SGCZ: variants seen among roughly 807,000 people sequenced by gnomAD.
SGCZ encodes the protein zeta-sarcoglycan.
A neutral mutation model predicts 41.3 loss-of-function variants in SGCZ; 40 were observed. The ratio of observed to expected loss-of-function variants is 0.97; its 90% CI spans 0.75 to 1.26. The LOEUF is 1.26. SGCZ is among the 50% of genes most tolerant of loss of function. The pLI is 0.00. For missense variants in SGCZ, 552 were observed against 369.8 expected (o/e 1.49, Z -4.04); for synonymous variants, 206 against 137.5 (o/e 1.50, Z -3.49).
At chr8:14,808,496 C>A (rs1228478570) in intron 1 of SGCZ, among the ~76,000 whole-genome samples, 1 of 152,024 alleles carries the variant, frequency 6.6e-6, no homozygotes, top group African/African-American at 2.4e-5. Context: ...TCATCACTGG[C>A]CATCAGAGAA....
intron 3 of SGCZ, among the ~76,000 whole-genome samples, chr8:14,305,738 C>T (rs913543699): frequency 6.6e-6 from 1 of 152,150 alleles, no homozygotes; most frequent in Non-Finnish European, 1.5e-5. Context: ...CTTTACTATT[C>T]CTCCAGTCAG....
At chr8:15,237,545 C>G in intron 1 of SGCZ, 40 bp downstream of exon 1, 1 of 1,577,816 alleles carries the variant, frequency 6.3e-7, no homozygotes, top group Admixed American at 1.8e-5. Flanking sequence ...GCAGGGAGCG[C>G]CGAGAAGCGG....
At chr8:15,191,988 A>C (rs1011387868) in intron 1 of SGCZ, among the ~76,000 whole-genome samples, 2 of 152,084 alleles carry the variant, frequency 1.3e-5, no homozygotes, top group East Asian at 3.8e-4. Flanking sequence ...TAAAAATTGC[A>C]TAAAAGTAGT....
intron 1 of SGCZ, among the ~76,000 whole-genome samples, chr8:14,762,398 C>CTAAG (rs904605505): frequency 8.5e-5 from 13 of 152,166 alleles, no homozygotes; most frequent in Admixed American, 5.9e-4. Flanking sequence ...TTCAATCTCA[C>CTAAG]TAAGCCTCAG....
At chr8:14,977,994 A>G (rs1186974060) in intron 1 of SGCZ, among the ~76,000 whole-genome samples, 1 of 151,406 alleles carries the variant, frequency 6.6e-6, no homozygotes, top group African/African-American at 2.4e-5. Flanking sequence ...TAATTTGGGG[A>G]TGATGTCATG....
At chr8:14,898,434 TG>T (rs1448961813) in intron 1 of SGCZ, among the ~76,000 whole-genome samples, 23 of 152,250 alleles carry the variant, frequency 1.5e-4, no homozygotes, top group Non-Finnish European at 3.2e-4. Flanking sequence ...CTGCAGAGGT[TG>T]GGAGGGTCAC....
chr8:14,542,736 T>C (rs1003459351), intron 2 of SGCZ, among the ~76,000 whole-genome samples: 1 of 152,086 alleles, frequency 6.6e-6, no homozygotes. Flanking sequence ...TTTTGGTTTA[T>C]GTGTTTTTAT....
intron 1 of SGCZ, among the ~76,000 whole-genome samples, chr8:15,151,124 T>A (rs557589920): frequency 6.6e-6 from 1 of 152,338 alleles, no homozygotes; most frequent in African/African-American, 2.4e-5. Context: ...ATGGAGGCTG[T>A]CTATTCAGAG....
intron 1 of SGCZ, among the ~76,000 whole-genome samples, chr8:15,016,860 G>A (rs779893515): frequency 3.3e-5 from 5 of 152,102 alleles, no homozygotes; most frequent in Non-Finnish European, 7.4e-5. Flanking sequence ...GAACAGCCAT[G>A]TCATTTGGCA....
intron 2 of SGCZ, among the ~76,000 whole-genome samples, chr8:14,500,615 G>C (rs1384921136): frequency 6.6e-6 from 1 of 151,918 alleles, no homozygotes; most frequent in East Asian, 1.9e-4. Context: ...CACTACGAAA[G>C]ATAGGATTTA....
At chr8:14,397,974 C>T (rs538118377) in intron 2 of SGCZ, among the ~76,000 whole-genome samples, 4 of 152,226 alleles carry the variant, frequency 2.6e-5, no homozygotes, top group East Asian at 1.9e-4. Context: ...TTCCCTTGAA[C>T]GATGGAATTT....
rs1471059530 is a variant in SGCZ at position 14,322,126 on chromosome 8, C to T, written c.336+1977G>A. Reference sequence around the variant, plus strand: ...ACTGTGGAAGGCAGTCTGGAGATTTCGTTCATGTTTATTTTTGAAGTGTAT... The same window carrying T: ...ACTGTGGAAGGCAGTCTGGAGATTTTGTTCATGTTTATTTTTGAAGTGTAT... On this transcript the variant is annotated intron_variant, in intron 3 of 7. Coordinates refer to ENST00000382080, the MANE Select transcript of SGCZ (RefSeq NM_139167.4). Among the ~76,000 whole-genome samples the T allele has an allele frequency of 3.3e-5, 5 of 152,070 alleles. No individual in the cohort carries two copies. In the South Asian group the frequency reaches 6.2e-4, roughly 19 times the overall value.
chr8:14,593,442 A>G (rs1233461277), intron 1 of SGCZ, among the ~76,000 whole-genome samples: 1 of 152,058 alleles, frequency 6.6e-6, no homozygotes, highest in Non-Finnish European at 1.5e-5. Flanking sequence ...AACAGAATAG[A>G]TCTGTTTTAA....
At chr8:15,208,672 A>T (rs1369281114) in intron 1 of SGCZ, among the ~76,000 whole-genome samples, 1 of 152,092 alleles carries the variant, frequency 6.6e-6, no homozygotes, top group African/African-American at 2.4e-5. Flanking sequence ...GGCATTAGAG[A>T]TCAAGTGACT....
chr8:14,328,857 G>A (rs924493932), intron 2 of SGCZ, among the ~76,000 whole-genome samples: 1 of 152,132 alleles, frequency 6.6e-6, no homozygotes, highest in African/African-American at 2.4e-5. Flanking sequence ...TTATAAAAGA[G>A]GTAAATGAAG....
rs1314736697 is a variant in SGCZ, at chr8:14,495,787, G to GA, written c.234+58944dup. Among the ~76,000 whole-genome samples, 4 of 145,406 alleles carry GA rather than the reference G, an allele frequency of 2.8e-5. No individual in the cohort carries two copies. In the East Asian group the frequency reaches 7.9e-4, roughly 29 times the overall value. On this transcript the variant is annotated intron_variant, in intron 2 of 7. Transcript: ENST00000382080. ...GACGACGTTAGATAAACGTTTTTTT[G>GA]AAAAACTGTATTTTTGAAGCCATCC...
In SGCZ at chr8:14,090,615, A is replaced by C; in HGVS notation, c.767T>G (p.Ile256Ser). Reference protein sequence around the residue: ...EGEIFLNAETIKLGNLPTGSF... With the variant: ...EGEIFLNAETSKLGNLPTGSF... ...GCCAGTTGGTAGATTTCCCAGCTTGATTGTCTCTGCATTTAAAAATATCTA... is the reference window on the plus strand; with the variant it reads ...GCCAGTTGGTAGATTTCCCAGCTTGCTTGTCTCTGCATTTAAAAATATCTA... The change falls in exon 8 of 8, where the codon ATC (isoleucine) becomes AGC (serine). Residue 256 changes from isoleucine (I) to serine (S), a missense_variant. Physicochemically the swap from Ile to Ser is moderately radical, Grantham distance 142. Transcript: ENST00000382080. The C allele has an allele frequency of 6.2e-7, 1 of 1,611,656 alleles. No individual in the cohort carries two copies. Among genetic ancestry groups the C allele is most frequent in the Non-Finnish European group, 8.5e-7 (1 of 1,179,130 alleles).
chr8:14,396,838 T>TAGGAGG (rs1798933757), intron 2 of SGCZ, among the ~76,000 whole-genome samples: 1 of 152,112 alleles, frequency 6.6e-6, no homozygotes. Flanking sequence ...CTAAGGCACA[T>TAGGAGG]CTCTAAGAGA....
At chr8:14,945,626 T>A in intron 1 of SGCZ, among the ~76,000 whole-genome samples, 1 of 151,938 alleles carries the variant, frequency 6.6e-6, no homozygotes, top group Non-Finnish European at 1.5e-5. Context: ...CCGGAGGAGA[T>A]TGGCATGTGA....
Sources: allele counts gnomAD v4.1 joint callset (sites outside exome capture counted in the v4.1 genomes callset), GRCh38; gene constraint gnomAD v4.1.1; transcripts MANE v1.5; gene names NCBI Gene and HGNC (gene_info 2026-07-23, HGNC 2026-07-21).